Variants in SRRD observed in about 807,000 individuals in gnomAD.
SRRD encodes the protein SRR1-like protein.
A neutral mutation model predicts 30.7 loss-of-function variants in SRRD; 28 were observed. The observed-to-expected ratio is 0.91, with a 90% CI of 0.68 to 1.25. The LOEUF (loss-of-function observed/expected upper bound fraction) is 1.25, where lower values mean the gene tolerates loss of function less well. Ranked by LOEUF, SRRD falls within the 50% of genes most tolerant of loss-of-function variation. The pLI is 0.00. For missense variants in SRRD, 415 were observed against 417.3 expected, an observed-to-expected ratio of 0.99 and a Z score of 0.05; for synonymous variants, 161 against 159.6, an observed-to-expected ratio of 1.01 and a Z score of -0.07.
chr22:26,488,636 C>G (rs2091726760), intron 4 of SRRD, 148 bp downstream of exon 4: 1 of 651,280 alleles, frequency 1.5e-6, no homozygotes, highest in Non-Finnish European at 2.7e-6. Flanking sequence ...AACGATGTAA[C>G]CAGCCAATCA....
intron 2 of SRRD, 38 bp from the exon 3 acceptor site, chr22:26,487,991 C>A: frequency 6.4e-7 from 1 of 1,574,610 alleles, no homozygotes; most frequent in Non-Finnish European, 8.6e-7. Context: ...AGGGTCAGAA[C>A]ATGCCCTCTA....
Position 26,491,063 on chromosome 22 carries a change from T to C in SRRD, c.803T>C (p.Ile268Thr), listed in dbSNP as rs746660232. The change falls in exon 6 of 7, where the codon ATT (isoleucine) becomes ACT (threonine). Residue 268 changes from isoleucine (I) to threonine (T), a missense_variant. Physicochemically the swap from Ile to Thr is moderately conservative, Grantham distance 89 (BLOSUM62 -1). Coordinates refer to ENST00000215917, the MANE Select transcript of SRRD (RefSeq NM_001013694.3). ...ATTCTGCAGAAAAATTATCCCTACATTGCAAAGGTATCTATCTGAATAAAG... is the reference window on the plus strand; with the variant it reads ...ATTCTGCAGAAAAATTATCCCTACACTGCAAAGGTATCTATCTGAATAAAG... Reference protein sequence around the residue: ...ARILQKNYPYIAKILKGLEEL... With the variant: ...ARILQKNYPYTAKILKGLEEL... 176 of 1,612,458 alleles carry C rather than the reference T, an allele frequency of 1.1e-4. No homozygotes were observed. The highest frequency in any genetic ancestry group is 1.4e-4 in the Non-Finnish European group (168 of 1,179,566).
At chr22:26,486,947 A>T (rs528436809) in intron 2 of SRRD, among the ~76,000 whole-genome samples, 67 of 122,622 alleles carry the variant, frequency 5.5e-4, no homozygotes, top group African/African-American at 2.1e-3. Context: ...TTTGAGACGG[A>T]GTCTCACTGT....
chr22:26,484,963 C>T (rs574452763), intron 1 of SRRD, among the ~76,000 whole-genome samples: 1 of 152,322 alleles, frequency 6.6e-6, no homozygotes, highest in Admixed American at 6.5e-5. Context: ...GTGCTCCTCT[C>T]CCCTAGAATT....
Position 26,492,611 on chromosome 22 carries a change from G to A in SRRD, c.*939G>A, listed in dbSNP as rs1303837916. ...TTATTAATATTCAACATTTTAAAAT[G>A]AAGTATCTGCAAGGGATTTCTTCCT... is the stretch of plus-strand genomic sequence containing the variant. On this transcript the variant is annotated 3_prime_UTR_variant, in exon 7 of 7. Coordinates refer to ENST00000215917, the MANE Select transcript of SRRD (RefSeq NM_001013694.3). 7.9e-6 allele frequency: 4 copies of A among 507,614 alleles called. No homozygotes were observed. The East Asian group carries it at 1.4e-4, about 18-fold the overall frequency. 31.4% of individuals were successfully genotyped at this position (507,614 alleles called of 1,614,324 possible). A position where few individuals can be genotyped will look rare whatever the true frequency, so the allele number is the denominator to read the frequency against.
At chr22:26,490,559 C>CTTTTTTTTTTGTTTTTTTTTTTTTTTT (rs1921029559) in intron 5 of SRRD, among the ~76,000 whole-genome samples, 2 of 51,834 alleles carry the variant, frequency 3.9e-5, no homozygotes, top group African/African-American at 7.3e-5. Context: ...GGAATATTTG[C>CTTTTTTTTTTGTTTTTTTTTTTTTTTT]TTTTTTTTTT....
In SRRD at chr22:26,493,669, A is replaced by C. The variant is rs2147118328; in HGVS notation, c.*1997A>C. 6.0e-6 allele frequency: 1 copy of C among 165,992 alleles called. No homozygotes were observed. The highest frequency in any genetic ancestry group is 5.7e-5 in the Admixed American group (1 of 17,674). 10.3% of individuals were successfully genotyped at this position (165,992 alleles called of 1,614,324 possible). ...ACACCACCTATTGAAGGCTATACAC[A>C]AGCATGAACTCACTCTCCCTTTTAG... On this transcript the variant is annotated 3_prime_UTR_variant, in exon 7 of 7. Transcript: ENST00000215917.
At position 26,484,220 on chromosome 22, in the gene SRRD, A is replaced by T. The variant is rs948422213; in HGVS notation, c.209+121A>T. On this transcript the variant is annotated intron_variant, in intron 1 of 6. Transcript: ENST00000215917. ...CTTTAAGGAGTTATTGTGAAGAGTT[A>T]ACGTAGGTAACGAGCTCATTAAAGA... The T allele has an allele frequency of 2.1e-5, 22 of 1,056,568 alleles. 1 individual carries two copies. The South Asian group carries it at 2.9e-4, about 14-fold the overall frequency. 65.4% of individuals were successfully genotyped at this position (1,056,568 alleles called of 1,614,324 possible).
rs78536867 is a variant in SRRD, at chr22:26,494,120, A to T, written c.*2448A>T. 0.011 allele frequency: 18,223 copies of T among 1,610,622 alleles called. 145 individuals are homozygous for T. The highest frequency in any genetic ancestry group is 0.014 in the Non-Finnish European group (16,003 of 1,177,226). ...TGAAACTTGGGGCCAGGACATCCAA[A>T]ATGGGAATCCTCACTTACCAACGTT... On this transcript the variant is annotated 3_prime_UTR_variant, in exon 7 of 7. Transcript: ENST00000215917.
chr22:26,491,897 TGGA>T lies in SRRD; in HGVS notation c.*227_*229del. 1 of 1,103,398 alleles carries T rather than the reference TGGA, an allele frequency of 9.1e-7. No homozygotes were observed. Among genetic ancestry groups the T allele is most frequent in the South Asian group, 1.6e-5 (1 of 63,256 alleles). The allele number at this position is 1,103,398 out of a possible 1,614,324, so 68.4% of individuals were successfully genotyped here. On this transcript the variant is annotated 3_prime_UTR_variant, in exon 7 of 7. Transcript: ENST00000215917. ...CCTTCCCTCATGACCTGGCCTGATGTGGAGTAGCTCCTGAGTAAAGAAGTTACC... is the reference window on the plus strand; with the variant it reads ...CCTTCCCTCATGACCTGGCCTGATGTGTAGCTCCTGAGTAAAGAAGTTACC...
chr22:26,484,010 GCCCCGGGGGAGAGAGGCGGCGC>G lies in SRRD; in HGVS notation c.124_145del (p.Arg42GlyfsTer35). Reference sequence around the variant, plus strand: ...CGGCGCCCCGGGGGAGAGAGGCGGCGCCCCGGGGGAGAGAGGCGGCGCCCCGGGGCCCCGAGGCGGAGTTCGA... The same window carrying G: ...CGGCGCCCCGGGGGAGAGAGGCGGCGCCCGGGGCCCCGAGGCGGAGTTCGA... On this transcript the variant is annotated frameshift_variant, in exon 1 of 7. Transcript: ENST00000215917. LOFTEE classifies it high-confidence loss of function. 1 of 1,357,654 alleles carries G rather than the reference GCCCCGGGGGAGAGAGGCGGCGC, an allele frequency of 7.4e-7. No individual in the cohort carries two copies. Among genetic ancestry groups the G allele is most frequent in the Non-Finnish European group, 9.5e-7 (1 of 1,058,190 alleles). 84.1% of individuals were successfully genotyped at this position (1,357,654 alleles called of 1,614,324 possible). A position where few individuals can be genotyped will look rare whatever the true frequency, so the allele number is the denominator to read the frequency against.
intron 1 of SRRD, 125 bp downstream of exon 1, chr22:26,484,224 T>A: frequency 9.5e-7 from 1 of 1,049,182 alleles, no homozygotes; most frequent in Non-Finnish European, 1.4e-6. Context: ...AGAGTTAACG[T>A]AGGTAACGAG....
rs9613189 is a variant in SRRD, at chr22:26,493,941, G to T, written c.*2269G>T. 2 of 576,106 alleles carry T rather than the reference G, an allele frequency of 3.5e-6. No individual in the cohort carries two copies. The highest frequency in any genetic ancestry group is 6.1e-6 in the Non-Finnish European group (2 of 327,722). 35.7% of individuals were successfully genotyped at this position (576,106 alleles called of 1,614,324 possible). ...CCACTCAGGGAAGATGCCCCTCTCAGTCATGGTAGACCTGGGCAGTGGGTG... is the reference window on the plus strand; with the variant it reads ...CCACTCAGGGAAGATGCCCCTCTCATTCATGGTAGACCTGGGCAGTGGGTG... On this transcript the variant is annotated 3_prime_UTR_variant, in exon 7 of 7. Coordinates refer to ENST00000215917, the MANE Select transcript of SRRD (RefSeq NM_001013694.3).
chr22:26,484,150 G>A, intron 1 of SRRD, 51 bp downstream of exon 1: 1 of 1,496,648 alleles, frequency 6.7e-7, no homozygotes, highest in Non-Finnish European at 9.0e-7. Flanking sequence ...GGGCAATTCT[G>A]AGCCACAGTC....
At chr22:26,485,036 C>T (rs1345397663) in intron 1 of SRRD, among the ~76,000 whole-genome samples, 13 of 152,158 alleles carry the variant, frequency 8.5e-5, no homozygotes, top group Non-Finnish European at 1.5e-5. Flanking sequence ...GACCATTTGG[C>T]TCAGCCTGAA....
In SRRD at chr22:26,493,004, C is replaced by A. The variant is rs1264301553; in HGVS notation, c.*1332C>A. Reference sequence around the variant, plus strand: ...GTATATTTGCCTTATTACTTAATCTCTGTTTTCACAGAATAGGCTATTTTT... The same window carrying A: ...GTATATTTGCCTTATTACTTAATCTATGTTTTCACAGAATAGGCTATTTTT... On this transcript the variant is annotated 3_prime_UTR_variant, in exon 7 of 7. Coordinates refer to ENST00000215917, the MANE Select transcript of SRRD (RefSeq NM_001013694.3). The A allele has an allele frequency of 6.6e-6, 1 of 152,018 alleles. No homozygotes were observed. The highest frequency in any genetic ancestry group is 1.5e-5 in the Non-Finnish European group (1 of 68,190). 9.4% of individuals were successfully genotyped at this position (152,018 alleles called of 1,614,324 possible). A position where few individuals can be genotyped will look rare whatever the true frequency, so the allele number is the denominator to read the frequency against.
In SRRD at chr22:26,484,014, C is replaced by T. The variant is rs1462377087; in HGVS notation, c.124C>T (p.Arg42Trp). The T allele has an allele frequency of 2.9e-6, 4 of 1,402,724 alleles. No homozygotes were observed. The highest frequency in any genetic ancestry group is 3.7e-6 in the Non-Finnish European group (4 of 1,081,496). The allele number at this position is 1,402,724 out of a possible 1,614,324, so 86.9% of individuals were successfully genotyped here. The change falls in exon 1 of 7, where the codon CGG (arginine) becomes TGG (tryptophan). Residue 42 changes from arginine (R) to tryptophan (W), a missense_variant. Coordinates refer to ENST00000215917, the MANE Select transcript of SRRD (RefSeq NM_001013694.3). The part of the protein sequence containing the change: ...AAPRGREAAP[R>W]GREAAPRGPE... ...GCCCCGGGGGAGAGAGGCGGCGCCC[C>T]GGGGGAGAGAGGCGGCGCCCCGGGG...
At chr22:26,487,864 C>T in intron 2 of SRRD, 165 bp from the exon 3 acceptor site, 1 of 712,972 alleles carries the variant, frequency 1.4e-6, no homozygotes, top group Non-Finnish European at 2.2e-6. Context: ...TATGTCCAGG[C>T]ATGTTTGGGA....
In SRRD at chr22:26,491,511, A is replaced by C. The variant is rs778148664; in HGVS notation, c.859A>C (p.Met287Leu). 1.2e-6 allele frequency: 2 copies of C among 1,614,122 alleles called. No homozygotes were observed. The highest frequency in any genetic ancestry group is 1.7e-6 in the Non-Finnish European group (2 of 1,179,988). Reference sequence around the variant, plus strand: ...TGAGTTTCCTCAGACTTCACAATACATGGACATATTTAATGATACCTCTGT... The same window carrying C: ...TGAGTTTCCTCAGACTTCACAATACCTGGACATATTTAATGATACCTCTGT... ...ELEFPQTSQY[M>L]DIFNDTSVHW... The change falls in exon 7 of 7, where the codon ATG becomes CTG. Residue 287 changes from methionine to leucine, a missense_variant. Met to Leu is a conservative substitution (Grantham distance 15, BLOSUM62 2). Coordinates refer to ENST00000215917, the MANE Select transcript of SRRD (RefSeq NM_001013694.3).
Sources: allele counts gnomAD v4.1 joint callset (sites outside exome capture counted in the v4.1 genomes callset), GRCh38; gene constraint gnomAD v4.1.1; transcripts MANE v1.5; gene names NCBI Gene and HGNC (gene_info 2026-07-23, HGNC 2026-07-21).